The following RCAN2 variants were observed in gnomAD, a reference collection of about 807,000 sequenced individuals.
The protein encoded by RCAN2 is regulator of calcineurin 2.
In RCAN2, 9 loss-of-function variants were observed where a neutral mutation model predicts 23.6. The observed-to-expected ratio is 0.38, with a 90% CI of 0.23 to 0.67. The LOEUF is 0.67. Ranked by LOEUF, RCAN2 falls within the 30% of genes least tolerant of loss-of-function variation. RCAN2 has a pLI of 0.51. For missense variants in RCAN2, 273 were observed against 302.3 expected (o/e 0.90, Z 0.72); for synonymous variants, 109 against 115.7 (o/e 0.94, Z 0.37).
At chr6:46,330,282 C>G (rs1763925295) in intron 2 of RCAN2, among the ~76,000 whole-genome samples, 1 of 152,156 alleles carries the variant, frequency 6.6e-6, no homozygotes. Flanking sequence ...AAGACTGAAT[C>G]AGACACTCTG....
intron 2 of RCAN2, among the ~76,000 whole-genome samples, chr6:46,340,537 C>G (rs572278077): frequency 7.4e-4 from 112 of 152,284 alleles, no homozygotes; most frequent in African/African-American, 2.6e-3. Context: ...CCTCTTCAAG[C>G]TGACCTTGGG....
chr6:46,336,530 G>A (rs1582117519), intron 2 of RCAN2, among the ~76,000 whole-genome samples: 1 of 152,334 alleles, frequency 6.6e-6, no homozygotes, highest in South Asian at 2.1e-4. Context: ...GCAAGGATAG[G>A]GATGTGTTTA....
chr6:46,349,606 G>A (rs545681129), intron 2 of RCAN2, among the ~76,000 whole-genome samples: 1 of 151,916 alleles, frequency 6.6e-6, no homozygotes, highest in South Asian at 2.1e-4. Context: ...TGCCCTCAGG[G>A]AAAGGCAGAA....
chr6:46,457,649 G>A (rs546303293), intron 1 of RCAN2, among the ~76,000 whole-genome samples: 1 of 152,216 alleles, frequency 6.6e-6, no homozygotes, highest in East Asian at 1.9e-4. Context: ...AGAGTACAGT[G>A]AGAGTAAACA....
At position 46,397,457 on chromosome 6, in the gene RCAN2, T is replaced by TA. The variant is rs1207143322; in HGVS notation, c.225+59294dup. ...ATCTGAGTAAGGTCTGAAGTCTAGT[T>TA]AAGAGTATTATTCTAATGTCAATTT... is the stretch of plus-strand genomic sequence containing the variant. On this transcript the variant is annotated intron_variant, in intron 2 of 4. Coordinates refer to ENST00000371374, the MANE Select transcript of RCAN2 (RefSeq NM_001251974.2). Among the ~76,000 whole-genome samples the TA allele has an allele frequency of 4.6e-5, 7 of 152,060 alleles. No homozygotes were observed. The East Asian group carries it at 1.4e-3, about 29-fold the overall frequency.
chr6:46,487,400 C>T, intron 1 of RCAN2, among the ~76,000 whole-genome samples: 1 of 152,078 alleles, frequency 6.6e-6, no homozygotes, highest in East Asian at 1.9e-4. Flanking sequence ...AAGAGGTGGC[C>T]CCTATCAAAG....
chr6:46,246,461 A>C (rs1324271298), intron 4 of RCAN2, among the ~76,000 whole-genome samples: 1 of 152,174 alleles, frequency 6.6e-6, no homozygotes, highest in Non-Finnish European at 1.5e-5. Flanking sequence ...GTTAAATCCC[A>C]CAAGAATTAG....
At chr6:46,373,452 T>G (rs1476342582) in intron 2 of RCAN2, among the ~76,000 whole-genome samples, 2 of 152,092 alleles carry the variant, frequency 1.3e-5, no homozygotes, top group African/African-American at 2.4e-5. Flanking sequence ...TTTTAGGGTT[T>G]CACTATGTTG....
chr6:46,400,092 C>T (rs1053542825), intron 2 of RCAN2, among the ~76,000 whole-genome samples: 1 of 152,192 alleles, frequency 6.6e-6, no homozygotes, highest in Non-Finnish European at 1.5e-5. Context: ...CTCTGGTTTC[C>T]ACCTCTAGTG....
chr6:46,279,428 C>G (rs1195287348), intron 2 of RCAN2, among the ~76,000 whole-genome samples: 1 of 152,198 alleles, frequency 6.6e-6, no homozygotes, highest in Admixed American at 6.5e-5. Flanking sequence ...TTACAGTGAA[C>G]TGTCCTGTGC....
chr6:46,224,872 T>C (rs959443693), intron 4 of RCAN2, among the ~76,000 whole-genome samples: 1 of 152,164 alleles, frequency 6.6e-6, no homozygotes, highest in Non-Finnish European at 1.5e-5. Context: ...ATGTGCCATG[T>C]TGGTGTGCTA....
At chr6:46,341,816 A>C (rs1764327555) in intron 2 of RCAN2, among the ~76,000 whole-genome samples, 1 of 152,114 alleles carries the variant, frequency 6.6e-6, no homozygotes, top group Non-Finnish European at 1.5e-5. Flanking sequence ...GTATTTAGAA[A>C]AGTAAATGTC....
chr6:46,404,221 CA>C (rs10708319), intron 2 of RCAN2, among the ~76,000 whole-genome samples: 77,495 of 147,654 alleles, frequency 0.52, 20,216 homozygotes, highest in East Asian at 0.6. Context: ...GACTCTGTCT[CA>C]AAAAAAAAAA....
At chr6:46,462,317 G>A (rs965640353) in intron 1 of RCAN2, among the ~76,000 whole-genome samples, 1 of 152,156 alleles carries the variant, frequency 6.6e-6, no homozygotes, top group Non-Finnish European at 1.5e-5. Context: ...CAAGATGACA[G>A]TTTATTTAAA....
At chr6:46,264,672 T>G (rs1012185959) in intron 2 of RCAN2, among the ~76,000 whole-genome samples, 2 of 152,148 alleles carry the variant, frequency 1.3e-5, no homozygotes, top group African/African-American at 2.4e-5. Context: ...ATTTCCAAAT[T>G]GAAACATGAC....
At chr6:46,305,089 T>C (rs1763020668) in intron 2 of RCAN2, among the ~76,000 whole-genome samples, 1 of 152,106 alleles carries the variant, frequency 6.6e-6, no homozygotes, top group South Asian at 2.1e-4. Flanking sequence ...GCAATTCTGA[T>C]TATCTTCATG....
chr6:46,407,560 C>T (rs969990746), intron 2 of RCAN2, among the ~76,000 whole-genome samples: 2 of 152,110 alleles, frequency 1.3e-5, no homozygotes, highest in African/African-American at 4.8e-5. Context: ...TGAAAGAGCT[C>T]GTCTTGCTAT....
At chr6:46,405,199 G>C (rs1397136392) in intron 2 of RCAN2, among the ~76,000 whole-genome samples, 4 of 152,190 alleles carry the variant, frequency 2.6e-5, no homozygotes, top group Non-Finnish European at 5.9e-5. Flanking sequence ...TGGTGGGTTT[G>C]TGGTCTCGCT....
chr6:46,381,636 A>G (rs1175016911), intron 2 of RCAN2, among the ~76,000 whole-genome samples: 4 of 152,080 alleles, frequency 2.6e-5, no homozygotes, highest in Non-Finnish European at 4.4e-5. Flanking sequence ...TACTATTACT[A>G]TTGGAAAAAA....
Sources: gnomAD v4.1 joint callset for allele counts (sites outside exome capture counted in the v4.1 genomes callset) on GRCh38, gnomAD v4.1.1 for gene constraint, MANE v1.5 for transcripts, NCBI Gene and HGNC (gene_info 2026-07-23, HGNC 2026-07-21) for gene names.